MYO3B: variants seen among roughly 807,000 people sequenced by gnomAD.
The protein encoded by MYO3B is myosin IIIB, also known as myosin-IIIb.
A neutral mutation model predicts 174.6 loss-of-function variants in MYO3B; 156 were observed. That is an observed-to-expected ratio of 0.89 (90% CI 0.78 to 1.02). The LOEUF (loss-of-function observed/expected upper bound fraction) is 1.02, where lower values mean the gene tolerates loss of function less well. Ranked by LOEUF, MYO3B falls within the 50% of genes least tolerant of loss-of-function variation. The pLI, the probability that MYO3B is intolerant of heterozygous loss-of-function variation, is 0.00. For missense variants in MYO3B, 1,632 were observed against 1,639.4 expected, an observed-to-expected ratio of 1.00 and a Z score of 0.08; for synonymous variants, 563 against 569.1, an observed-to-expected ratio of 0.99 and a Z score of 0.15.
At chr2:170,401,036 A>T (rs577136416) in intron 17 of MYO3B, among the ~76,000 whole-genome samples, 14 of 152,290 alleles carry the variant, frequency 9.2e-5, no homozygotes, top group African/African-American at 2.9e-4. Flanking sequence ...GCGCCTATTT[A>T]TTTTTAAAGT....
At chr2:170,393,869 G>A (rs1458453540) in intron 16 of MYO3B, among the ~76,000 whole-genome samples, 3 of 152,110 alleles carry the variant, frequency 2.0e-5, no homozygotes, top group African/African-American at 4.8e-5. Flanking sequence ...GCTTCTTAGA[G>A]GGGGGCAATT....
chr2:170,507,227 A>G (rs1020596516), intron 28 of MYO3B, among the ~76,000 whole-genome samples: 2 of 152,096 alleles, frequency 1.3e-5, no homozygotes, highest in African/African-American at 2.4e-5. Flanking sequence ...TGCACTGTGA[A>G]CTGCAAACTA....
chr2:170,419,128 G>A (rs2094599306), intron 22 of MYO3B, among the ~76,000 whole-genome samples: 1 of 152,244 alleles, frequency 6.6e-6, no homozygotes, highest in Non-Finnish European at 1.5e-5. Context: ...GTTAAAAGAT[G>A]TAGCCAGTCT....
chr2:170,581,229 T>C (rs1209237216), intron 32 of MYO3B, among the ~76,000 whole-genome samples: 1 of 152,216 alleles, frequency 6.6e-6, no homozygotes, highest in Admixed American at 6.5e-5. Context: ...GAAACACAAA[T>C]GACATATCGC....
chr2:170,535,599 A>G (rs1378994089), intron 30 of MYO3B, among the ~76,000 whole-genome samples: 1 of 152,188 alleles, frequency 6.6e-6, no homozygotes, highest in Non-Finnish European at 1.5e-5. Context: ...GGTCAACCAG[A>G]TCAGGATTTG....
At chr2:170,618,266 AGAG>A (rs1448210844) in intron 32 of MYO3B, among the ~76,000 whole-genome samples, 1 of 152,154 alleles carries the variant, frequency 6.6e-6, no homozygotes, top group African/African-American at 2.4e-5. Flanking sequence ...GGCTCGAATA[AGAG>A]GAGGAAAAGG....
At chr2:170,447,304 A>T (rs1241875155) in intron 23 of MYO3B, among the ~76,000 whole-genome samples, 1 of 152,238 alleles carries the variant, frequency 6.6e-6, no homozygotes, top group East Asian at 1.9e-4. Flanking sequence ...GTTTGAGACC[A>T]GTGGTGCTGT....
intron 8 of MYO3B, among the ~76,000 whole-genome samples, chr2:170,366,049 A>G (rs1342349459): frequency 6.6e-6 from 1 of 152,104 alleles, no homozygotes. Context: ...TGAAAATGCT[A>G]TATAAACTGC....
intron 9 of MYO3B, among the ~76,000 whole-genome samples, chr2:170,378,749 TA>T (rs2094312897): frequency 6.6e-6 from 1 of 152,208 alleles, no homozygotes; most frequent in Non-Finnish European, 1.5e-5. Context: ...AGATTGCAAG[TA>T]AGGTTTGGTC....
rs887377385 is a variant in MYO3B, at chr2:170,199,081, C to G, written c.3-127C>G. On this transcript the variant is annotated intron_variant, in intron 1 of 34. Coordinates refer to ENST00000408978, the MANE Select transcript of MYO3B (RefSeq NM_138995.5). ...AGTTCTTTTTCAAAAAATTTATTTA[C>G]AATAGAGGAAGAAAATAAAAAGTAA... The G allele has an allele frequency of 3.6e-5, 23 of 640,568 alleles. No homozygotes were observed. In the African/African-American group the frequency reaches 3.9e-4, roughly 11 times the overall value. 39.7% of individuals were successfully genotyped at this position (640,568 alleles called of 1,614,324 possible). A position where few individuals can be genotyped will look rare whatever the true frequency, so the allele number is the denominator to read the frequency against.
At chr2:170,318,885 A>G (rs1307017237) in intron 7 of MYO3B, among the ~76,000 whole-genome samples, 3 of 152,202 alleles carry the variant, frequency 2.0e-5, no homozygotes, top group African/African-American at 4.8e-5. Flanking sequence ...TGGTGTGACC[A>G]TAGTGTAATT....
rs77303695 is a variant in MYO3B, at chr2:170,219,330, A to T, written c.603+1935A>T. Among the ~76,000 whole-genome samples, 1,263 of 152,314 alleles carry T rather than the reference A, an allele frequency of 8.3e-3. 9 individuals carry two copies. Among genetic ancestry groups the T allele is most frequent in the Middle Eastern group, 0.031 (9 of 294 alleles). ...CTAAGCTCTTAATATAGTGCTTGAT[A>T]CAGAGTACATGCTCAAAAAAATTAT... is the stretch of plus-strand genomic sequence containing the variant. On this transcript the variant is annotated intron_variant, in intron 6 of 34. Transcript: ENST00000408978.
chr2:170,549,349 G>C (rs1315903874), intron 32 of MYO3B, among the ~76,000 whole-genome samples: 1 of 152,124 alleles, frequency 6.6e-6, no homozygotes, highest in Non-Finnish European at 1.5e-5. Context: ...GGTCACAGTT[G>C]GCAAAGCACA....
chr2:170,555,697 C>T (rs1264195417), intron 32 of MYO3B, among the ~76,000 whole-genome samples: 1 of 151,882 alleles, frequency 6.6e-6, no homozygotes, highest in Admixed American at 6.6e-5. Flanking sequence ...CACAGCAACA[C>T]CCTGTCTCTA....
chr2:170,211,174 GCC>G (rs1231902387), intron 3 of MYO3B, among the ~76,000 whole-genome samples: 1 of 152,142 alleles, frequency 6.6e-6, no homozygotes, highest in Non-Finnish European at 1.5e-5. Context: ...GAGTCCCATG[GCC>G]CCAGGAGTTA....
chr2:170,371,216 TA>T (rs56689548), intron 9 of MYO3B, among the ~76,000 whole-genome samples: 34,312 of 89,656 alleles, frequency 0.38, 5,449 homozygotes, highest in African/African-American at 0.44. Context: ...AGACAGTGTC[TA>T]AAAAAAAAAA....
Position 170,383,166 on chromosome 2 carries a change from A to T in MYO3B, c.1162A>T (p.Asn388Tyr). 1 of 1,608,266 alleles carries T rather than the reference A, an allele frequency of 6.2e-7. No individual in the cohort carries two copies. The highest frequency in any genetic ancestry group is 8.5e-7 in the Non-Finnish European group (1 of 1,174,844). The change falls in exon 11 of 35, where the codon AAT (asparagine) becomes TAT (tyrosine). Residue 388 changes from asparagine (N) to tyrosine (Y), a missense_variant. Asn to Tyr is a moderately radical substitution (Grantham distance 143). Coordinates refer to ENST00000408978, the MANE Select transcript of MYO3B (RefSeq NM_138995.5). ...DILIALNPFQ[N>Y]LSIYSPQFSR... is the part of the protein sequence containing the mutation. ...CTTAATTGCCTTAAACCCCTTCCAG[A>T]ATCTAAGCATATACTCTCCACAGGT...
chr2:170,460,297 GAC>G (rs1474091240), intron 23 of MYO3B, among the ~76,000 whole-genome samples: 7 of 152,048 alleles, frequency 4.6e-5, no homozygotes, highest in Non-Finnish European at 1.0e-4. Flanking sequence ...AGACCAGCCT[GAC>G]CAACATGGTG....
intron 32 of MYO3B, among the ~76,000 whole-genome samples, chr2:170,634,062 A>G (rs1178068266): frequency 6.6e-6 from 1 of 152,208 alleles, no homozygotes; most frequent in Non-Finnish European, 1.5e-5. Flanking sequence ...TATAGATGCA[A>G]TGCCATCCCC....
Sources: allele counts gnomAD v4.1 joint callset (sites outside exome capture counted in the v4.1 genomes callset), GRCh38; gene constraint gnomAD v4.1.1; transcripts MANE v1.5; gene names NCBI Gene and HGNC (gene_info 2026-07-23, HGNC 2026-07-21).